CSMD1: variants seen among roughly 807,000 people sequenced by gnomAD.
The protein encoded by CSMD1 is CUB and sushi domain-containing protein 1.
In CSMD1, 213 loss-of-function variants were observed where a neutral mutation model predicts 417.5. The observed-to-expected ratio is 0.51, with a 90% CI of 0.46 to 0.57. The LOEUF is 0.57. Ranked by LOEUF, CSMD1 falls within the 20% of genes least tolerant of loss-of-function variation. The probability of loss-of-function intolerance (pLI) is 0.00; values close to 1 mark genes in which losing one functional copy is unlikely to be tolerated. For synonymous variants in CSMD1, 2,862 were observed against 1,736.8 expected (o/e 1.65, Z -16.11); for missense variants, 6,923 against 4,529.7 (o/e 1.53, Z -15.17).
intron 26 of CSMD1, among the ~76,000 whole-genome samples, chr8:3,234,994 A>G (rs563752031): frequency 6.6e-6 from 1 of 152,326 alleles, no homozygotes; most frequent in South Asian, 2.1e-4. Context: ...TGAACTTCCC[A>G]TCTTCAAAGG....
chr8:4,202,007 G>C (rs1024696211), intron 3 of CSMD1, among the ~76,000 whole-genome samples: 1 of 152,072 alleles, frequency 6.6e-6, no homozygotes. Flanking sequence ...ATTATACTCT[G>C]GATGAGAAGA....
chr8:3,787,472 G>C (rs1799509373), intron 5 of CSMD1, among the ~76,000 whole-genome samples: 5 of 152,052 alleles, frequency 3.3e-5, no homozygotes. Flanking sequence ...GAAAAACAAA[G>C]TAGTGATTAA....
At chr8:3,008,042 T>C (rs1808087632) in intron 52 of CSMD1, among the ~76,000 whole-genome samples, 1 of 152,212 alleles carries the variant, frequency 6.6e-6, no homozygotes, top group Non-Finnish European at 1.5e-5. Flanking sequence ...ACAATCTTTC[T>C]CTAAAATTGG....
rs138600968 is a variant in CSMD1 at position 4,478,326 on chromosome 8, G to A, written c.303-58261C>T. 1.0e-3 allele frequency among the ~76,000 whole-genome samples: 158 copies of A among 152,294 alleles called. 1 individual carries two copies. Among genetic ancestry groups the A allele is most frequent in the African/African-American group, 3.6e-3 (148 of 41,566 alleles). ...GCAACATGAGTTGCCTCATGTGACA[G>A]TTTAATTTATTTTTACATCTTCTAA... On this transcript the variant is annotated intron_variant, in intron 2 of 69. Transcript: ENST00000635120.
intron 3 of CSMD1, among the ~76,000 whole-genome samples, chr8:4,219,583 T>C (rs1800899083): frequency 6.6e-6 from 1 of 152,162 alleles, no homozygotes; most frequent in Admixed American, 6.5e-5. Context: ...ATTATTGGTC[T>C]CAATTTCTAC....
chr8:3,170,239 G>A (rs563909858), intron 37 of CSMD1, among the ~76,000 whole-genome samples: 4 of 152,136 alleles, frequency 2.6e-5, no homozygotes, highest in East Asian at 1.9e-4. Flanking sequence ...ACGGAGTCTC[G>A]CTCTGTGGCC....
intron 3 of CSMD1, among the ~76,000 whole-genome samples, chr8:4,034,709 T>C (rs570261807): frequency 4.6e-5 from 7 of 152,288 alleles, no homozygotes; most frequent in African/African-American, 1.7e-4. Flanking sequence ...GGACAAAAGC[T>C]TTTTGATGTT....
intron 10 of CSMD1, among the ~76,000 whole-genome samples, chr8:3,505,878 G>C (rs753602557): frequency 6.6e-6 from 1 of 151,994 alleles, no homozygotes; most frequent in Non-Finnish European, 1.5e-5. Flanking sequence ...CAAATAATAA[G>C]ATTAATTTAA....
chr8:4,182,488 C>G (rs10096696), intron 3 of CSMD1, among the ~76,000 whole-genome samples: 17 of 152,140 alleles, frequency 1.1e-4, no homozygotes, highest in Middle Eastern at 6.8e-3. Context: ...AAATAAGATA[C>G]GTCACATTAT....
intron 2 of CSMD1, among the ~76,000 whole-genome samples, chr8:4,449,365 G>A (rs759958219): frequency 6.6e-6 from 1 of 152,076 alleles, no homozygotes; most frequent in Non-Finnish European, 1.5e-5. Context: ...TTTTTTTCCA[G>A]AATGATTCTG....
chr8:4,875,751 G>A lies in CSMD1; in HGVS notation c.85+118581C>T, dbSNP rs184200423. ...TATGTATATAGGTATGCTCAAACAA[G>A]CAACCTTAAATTCAGAGGATAGGGA... On this transcript the variant is annotated intron_variant, in intron 1 of 69. Transcript: ENST00000635120. 3.3e-3 allele frequency among the ~76,000 whole-genome samples: 503 copies of A among 152,082 alleles called. 9 individuals carry two copies. The highest frequency in any genetic ancestry group is 0.019 in the South Asian group (90 of 4,812).
At chr8:3,964,097 A>C (rs1372217535) in intron 5 of CSMD1, among the ~76,000 whole-genome samples, 2 of 152,226 alleles carry the variant, frequency 1.3e-5, no homozygotes, top group African/African-American at 4.8e-5. Context: ...GTCAACAGTA[A>C]AAAGAACCTG....
At chr8:3,733,341 CAT>C (rs996571317) in intron 6 of CSMD1, among the ~76,000 whole-genome samples, 4 of 146,434 alleles carry the variant, frequency 2.7e-5, no homozygotes, top group Non-Finnish European at 4.5e-5. Flanking sequence ...TATACACAGA[CAT>C]ATATATTATA....
chr8:3,330,964 A>C (rs1806851472), intron 23 of CSMD1, among the ~76,000 whole-genome samples: 1 of 152,182 alleles, frequency 6.6e-6, no homozygotes, highest in Non-Finnish European at 1.5e-5. Context: ...AAAGAAAAGC[A>C]ACAGTGCCGG....
intron 57 of CSMD1, among the ~76,000 whole-genome samples, chr8:2,968,810 G>A (rs1427908358): frequency 3.3e-5 from 5 of 152,110 alleles, no homozygotes; most frequent in Non-Finnish European, 7.4e-5. Context: ...TAACCTGTAA[G>A]TTTAAACTTT....
Position 4,352,024 on chromosome 8 carries a change from C to A in CSMD1, c.415+67929G>T, listed in dbSNP as rs951209101. ...TGGAATTGACTAATGCAATGCTGAT[C>A]GTTTAAGTTCATTGTGTCCCAGTGT... On this transcript the variant is annotated intron_variant, in intron 3 of 69. Transcript: ENST00000635120. Among the ~76,000 whole-genome samples the A allele has an allele frequency of 1.1e-4, 17 of 148,126 alleles. 1 individual carries two copies. The Admixed American group carries it at 1.2e-3, about 10-fold the overall frequency.
At chr8:3,560,394 C>G (rs1428505421) in intron 10 of CSMD1, among the ~76,000 whole-genome samples, 1 of 152,082 alleles carries the variant, frequency 6.6e-6, no homozygotes, top group African/African-American at 2.4e-5. Flanking sequence ...TCAAGAATTT[C>G]AGTGTCTTTT....
At chr8:3,233,294 G>T (rs886118486) in intron 26 of CSMD1, among the ~76,000 whole-genome samples, 2 of 152,130 alleles carry the variant, frequency 1.3e-5, no homozygotes, top group South Asian at 4.1e-4. Context: ...AGGGGAATTG[G>T]TGACTTTATA....
At chr8:3,776,366 C>T (rs756854374) in intron 5 of CSMD1, among the ~76,000 whole-genome samples, 2 of 152,202 alleles carry the variant, frequency 1.3e-5, no homozygotes, top group African/African-American at 4.8e-5. Context: ...ACCTGTCTCA[C>T]TGAGAGTAAA....
Sources: gnomAD v4.1 joint callset for allele counts (sites outside exome capture counted in the v4.1 genomes callset) on GRCh38, gnomAD v4.1.1 for gene constraint, MANE v1.5 for transcripts, NCBI Gene and HGNC (gene_info 2026-07-23, HGNC 2026-07-21) for gene names.